The following TAOK1 variants were observed in gnomAD, a reference collection of about 807,000 sequenced individuals.
TAOK1 encodes serine/threonine-protein kinase TAO1.
A neutral mutation model predicts 138.3 loss-of-function variants in TAOK1; 21 were observed. The observed-to-expected ratio is 0.15, with a 90% confidence interval of 0.11 to 0.22. The LOEUF (loss-of-function observed/expected upper bound fraction) is 0.22. TAOK1 is among the 10% of genes least tolerant of loss of function. The pLI is 1.00. For missense variants in TAOK1, 651 were observed against 1,227.7 expected (o/e 0.53, Z 7.02); for synonymous variants, 361 against 398.4 (o/e 0.91, Z 1.12).
At chr17:29,453,062 C>G (rs1271985436) in intron 2 of TAOK1, among the ~76,000 whole-genome samples, 1 of 151,990 alleles carries the variant, frequency 6.6e-6, no homozygotes, top group Non-Finnish European at 1.5e-5. Flanking sequence ...ACCACAGCAG[C>G]TGCACCAGTC....
intron 9 of TAOK1, 28 bp from the exon 10 acceptor site, chr17:29,491,756 G>A: frequency 1.3e-6 from 2 of 1,524,926 alleles, no homozygotes; most frequent in African/African-American, 1.4e-5. Context: ...ATAGCAATGT[G>A]TTCACTTGAT....
At chr17:29,474,900 G>A (rs1035207729) in intron 3 of TAOK1, among the ~76,000 whole-genome samples, 8 of 151,372 alleles carry the variant, frequency 5.3e-5, no homozygotes, top group African/African-American at 1.9e-4. Flanking sequence ...GCAAAGTGCT[G>A]TAAATTGAGA....
chr17:29,479,301 A>G (rs2031009823), intron 6 of TAOK1, among the ~76,000 whole-genome samples: 1 of 152,230 alleles, frequency 6.6e-6, no homozygotes, highest in African/African-American at 2.4e-5. Context: ...GAAGAAAGTT[A>G]GCATTTTCTT....
At chr17:29,510,801 G>A in intron 14 of TAOK1, 63 bp from the exon 15 acceptor site, 1 of 1,159,584 alleles carries the variant, frequency 8.6e-7, no homozygotes, top group Non-Finnish European at 1.2e-6. Flanking sequence ...TCTTAATGAT[G>A]TATATTAAAC....
intron 17 of TAOK1, among the ~76,000 whole-genome samples, chr17:29,523,384 T>TTTTG (rs781341426): frequency 8.5e-5 from 13 of 152,164 alleles, no homozygotes; most frequent in African/African-American, 2.2e-4. Context: ...ATTCTGAAGT[T>TTTTG]TTTGTTTGTT....
chr17:29,542,645 G>A lies in TAOK1; in HGVS notation c.2629G>A (p.Ala877Thr). ...LLERQAREIE[A>T]FDSESMRLGF... ...GGAACGTCAAGCCAGAGAGATTGAA[G>A]CTTTTGACTCTGAAAGCATGAGACT... The change falls in exon 20 of 20, where the codon GCT (alanine) becomes ACT (threonine). Residue 877 changes from alanine (A) to threonine (T), a missense_variant. Physicochemically the swap from Ala to Thr is moderately conservative, Grantham distance 58. Transcript: ENST00000261716. 6.2e-7 allele frequency: 1 copy of A among 1,614,250 alleles called. No homozygotes were observed. The highest frequency in any genetic ancestry group is 8.5e-7 in the Non-Finnish European group (1 of 1,180,054).
chr17:29,411,433 C>T (rs1598469412), intron 1 of TAOK1, among the ~76,000 whole-genome samples: 1 of 151,506 alleles, frequency 6.6e-6, no homozygotes, highest in Middle Eastern at 3.4e-3. Flanking sequence ...ACTCTGTTGT[C>T]CAGGCTGGAG....
chr17:29,420,616 G>C (rs572679898), intron 1 of TAOK1, among the ~76,000 whole-genome samples: 5 of 112,258 alleles, frequency 4.5e-5, no homozygotes, highest in Non-Finnish European at 6.7e-5. Flanking sequence ...ACGAAGTTTC[G>C]CTCTTGTTGC....
At chr17:29,436,685 A>T (rs939195118) in intron 1 of TAOK1, among the ~76,000 whole-genome samples, 7 of 152,230 alleles carry the variant, frequency 4.6e-5, no homozygotes, top group Non-Finnish European at 8.8e-5. Flanking sequence ...AACAACCTTA[A>T]TTATGATTGA....
chr17:29,448,903 A>G (rs2030162182), intron 1 of TAOK1, among the ~76,000 whole-genome samples: 2 of 152,176 alleles, frequency 1.3e-5, no homozygotes, highest in African/African-American at 2.4e-5. Flanking sequence ...AATAATTGCA[A>G]TATAATACGG....
rs746906589 is a variant in TAOK1, at chr17:29,451,815, C to T, written c.132+135C>T. 976 of 985,138 alleles carry T rather than the reference C, an allele frequency of 9.9e-4. 15 individuals are homozygous for T. The highest frequency in any genetic ancestry group is 6.8e-3 in the Middle Eastern group (23 of 3,386). The allele number at this position is 985,138 out of a possible 1,614,324, so 61.0% of individuals were successfully genotyped here. A position where few individuals can be genotyped will look rare whatever the true frequency, so the allele number is the denominator to read the frequency against. On this transcript the variant is annotated intron_variant, in intron 2 of 19. Transcript: ENST00000261716. ...ACTTGCATAGGGGGAAGAGAGAGAG[C>T]GCGAGAGCGAGAGCGTGGGTGAGTG... is the stretch of plus-strand genomic sequence containing the variant.
At chr17:29,489,427 G>T (rs896885376) in intron 8 of TAOK1, among the ~76,000 whole-genome samples, 1 of 152,118 alleles carries the variant, frequency 6.6e-6, no homozygotes, top group Non-Finnish European at 1.5e-5. Context: ...GAGCACAGGA[G>T]GTCAAGGCTG....
chr17:29,517,201 G>T (rs573135819), intron 15 of TAOK1, among the ~76,000 whole-genome samples: 73 of 151,776 alleles, frequency 4.8e-4, no homozygotes, highest in African/African-American at 1.7e-3. Context: ...TGTTAGCCAG[G>T]ATGGTCTCGA....
chr17:29,413,546 A>G (rs1443930724), intron 1 of TAOK1, among the ~76,000 whole-genome samples: 2 of 152,166 alleles, frequency 1.3e-5, no homozygotes, highest in African/African-American at 4.8e-5. Context: ...TAGTGAGTGG[A>G]GATCACGCCA....
chr17:29,500,172 G>T (rs2031497641), intron 12 of TAOK1, among the ~76,000 whole-genome samples: 1 of 151,842 alleles, frequency 6.6e-6, no homozygotes, highest in Non-Finnish European at 1.5e-5. Flanking sequence ...AAATTAGCTC[G>T]GCATGGTGGT....
chr17:29,519,338 C>G (rs1008287291), intron 16 of TAOK1, among the ~76,000 whole-genome samples: 21 of 151,796 alleles, frequency 1.4e-4, no homozygotes, highest in Admixed American at 8.5e-4. Flanking sequence ...TAGTGAAACC[C>G]CATCTCTACT....
At chr17:29,398,781 C>T (rs1477380426) in intron 1 of TAOK1, among the ~76,000 whole-genome samples, 1 of 152,136 alleles carries the variant, frequency 6.6e-6, no homozygotes, top group Non-Finnish European at 1.5e-5. Flanking sequence ...ATCCACCCAC[C>T]TTGGCCTCCC....
chr17:29,529,289 G>GA (rs1430094400), intron 17 of TAOK1, among the ~76,000 whole-genome samples: 3 of 152,178 alleles, frequency 2.0e-5, no homozygotes, highest in African/African-American at 7.2e-5. Context: ...TAATTCATGA[G>GA]AAAAAATTTA....
intron 2 of TAOK1, among the ~76,000 whole-genome samples, chr17:29,458,625 T>G (rs2030453960): frequency 6.6e-6 from 1 of 152,198 alleles, no homozygotes; most frequent in Non-Finnish European, 1.5e-5. Context: ...GCCTCCCCAG[T>G]AGCTGGAATT....
Sources: allele counts gnomAD v4.1 joint callset (sites outside exome capture counted in the v4.1 genomes callset), GRCh38; gene constraint gnomAD v4.1.1; transcripts MANE v1.5; gene names NCBI Gene and HGNC (gene_info 2026-07-23, HGNC 2026-07-21).